PCDH7: variants seen among roughly 807,000 people sequenced by gnomAD.
PCDH7 encodes the protein protocadherin 7, also known as protocadherin-7.
PCDH7 carries 17 observed loss-of-function variants against 58.9 expected under a neutral mutation model. That is an observed-to-expected ratio of 0.29 (90% CI 0.20 to 0.43). The LOEUF (loss-of-function observed/expected upper bound fraction) is 0.43, where lower values mean the gene tolerates loss of function less well. Ranked by LOEUF, PCDH7 falls within the 20% of genes least tolerant of loss-of-function variation. PCDH7 has a pLI of 1.00. For synonymous variants in PCDH7, 664 were observed against 616.4 expected, an observed-to-expected ratio of 1.08 and a Z score of -1.14; for missense variants, 1,274 against 1,441.0, an observed-to-expected ratio of 0.88 and a Z score of 1.88.
intron 1 of PCDH7, among the ~76,000 whole-genome samples, chr4:30,806,698 T>C (rs1454319677): frequency 1.3e-5 from 2 of 151,672 alleles, no homozygotes; most frequent in Non-Finnish European, 2.9e-5. Flanking sequence ...CCTTTTCATT[T>C]AAATTTTATT....
chr4:31,133,063 G>A (rs1018180468), intron 3 of PCDH7, among the ~76,000 whole-genome samples: 3 of 152,068 alleles, frequency 2.0e-5, no homozygotes, highest in African/African-American at 4.8e-5. Flanking sequence ...TTAAATCTTT[G>A]TGTCACTGAA....
Position 30,722,064 on chromosome 4 carries a change from G to A in PCDH7, c.642G>A (p.Ala214=). 1.6e-6 allele frequency: 2 copies of A among 1,242,572 alleles called. No homozygotes were observed. The highest frequency in any genetic ancestry group is 4.3e-5 in the Admixed American group (1 of 23,510). 77.0% of individuals were successfully genotyped at this position (1,242,572 alleles called of 1,614,324 possible). A position where few individuals can be genotyped will look rare whatever the true frequency, so the allele number is the denominator to read the frequency against. Residue 214 remains alanine, a synonymous_variant, in exon 1 of 2, where the codon GCG becomes GCA. Coordinates refer to ENST00000361762, the Ensembl canonical transcript of PCDH7. The surrounding 1 kb of genome is among the most constrained non-coding windows in gnomAD (Gnocchi z 7.6). The stretch of plus-strand genomic sequence containing the variant: ...ACCCCGGGGGCGGCGGGAACGGCGC[G>A]AGCGGCGGCGGCTCGGGAGGCTCCA...
At chr4:30,995,157 A>C (rs13130452) in intron 3 of PCDH7, among the ~76,000 whole-genome samples, 26,050 of 152,178 alleles carry the variant, frequency 0.17, 2,800 homozygotes, top group South Asian at 0.27. Context: ...TGGGATTTAC[A>C]TTATATTTCT....
chr4:31,112,017 C>T (rs547200234), intron 3 of PCDH7, among the ~76,000 whole-genome samples: 1 of 152,090 alleles, frequency 6.6e-6, no homozygotes. Context: ...CCATGATTGG[C>T]AAATAATAAG....
Position 31,131,599 on chromosome 4 carries a change from T to G in PCDH7, c.*8-10874T>G, listed in dbSNP as rs28496204. On this transcript the variant is annotated intron_variant, in intron 3 of 3. Transcript: ENST00000509759. ...TAACAGTATTTCAGAACTCAATGTT[T>G]GCTTGAAACCTTCCTCAGAGGTTGA... Among the ~76,000 whole-genome samples the G allele has an allele frequency of 5.5e-3, 774 of 141,248 alleles. 5 individuals carry two copies. Among genetic ancestry groups the G allele is most frequent in the African/African-American group, 0.021 (733 of 34,708 alleles). 92.7% of individuals were successfully genotyped at this position (141,248 alleles called of 152,430 possible). A position where few individuals can be genotyped will look rare whatever the true frequency, so the allele number is the denominator to read the frequency against.
intron 3 of PCDH7, among the ~76,000 whole-genome samples, chr4:31,121,600 T>C (rs1467868751): frequency 6.6e-6 from 1 of 152,162 alleles, no homozygotes. Flanking sequence ...ATATGATTAC[T>C]AGTTGAGAAT....
Position 30,968,366 on chromosome 4 carries a change from T to A in PCDH7, c.*7+18151T>A, listed in dbSNP as rs572226907. ...TATATATATATACACACACTATATA[T>A]ATACACACACTATATATATATATAT... On this transcript the variant is annotated intron_variant, in intron 3 of 3. Coordinates refer to the PCDH7 transcript ENST00000509759. Among the ~76,000 whole-genome samples the A allele has an allele frequency of 4.1e-4, 52 of 126,432 alleles. 2 individuals carry two copies. In the East Asian group the frequency reaches 0.012, roughly 29 times the overall value. 82.9% of individuals were successfully genotyped at this position (126,432 alleles called of 152,430 possible).
chr4:30,998,173 T>C (rs990256354), intron 3 of PCDH7, among the ~76,000 whole-genome samples: 4 of 151,838 alleles, frequency 2.6e-5, no homozygotes, highest in Admixed American at 1.3e-4. Context: ...GACAGAAGAG[T>C]TGGCCAGACT....
At chr4:30,774,763 A>G (rs1348475581) in intron 1 of PCDH7, among the ~76,000 whole-genome samples, 1 of 152,232 alleles carries the variant, frequency 6.6e-6, no homozygotes, top group African/African-American at 2.4e-5. Flanking sequence ...GATATATAGT[A>G]TAGAACTCAG....
At chr4:30,962,354 C>T (rs1748516420) in intron 3 of PCDH7, among the ~76,000 whole-genome samples, 1 of 152,152 alleles carries the variant, frequency 6.6e-6, no homozygotes, top group Admixed American at 6.5e-5. Context: ...TAGACTTGTT[C>T]AAGTTGGACC....
intron 3 of PCDH7, among the ~76,000 whole-genome samples, chr4:30,967,208 A>G (rs1240260182): frequency 1.4e-5 from 2 of 147,574 alleles, no homozygotes; most frequent in Non-Finnish European, 3.0e-5. Flanking sequence ...GACATTGCAA[A>G]AAGAAAAAAA....
chr4:30,787,445 A>T (rs1487353489), intron 1 of PCDH7, among the ~76,000 whole-genome samples: 1 of 152,112 alleles, frequency 6.6e-6, no homozygotes, highest in African/African-American at 2.4e-5. Flanking sequence ...AATTTAGGCA[A>T]TTATTACACT....
intron 3 of PCDH7, among the ~76,000 whole-genome samples, chr4:31,001,205 A>T (rs1752337489): frequency 6.6e-6 from 1 of 152,078 alleles, no homozygotes; most frequent in Non-Finnish European, 1.5e-5. Context: ...TACCCTAATT[A>T]AAAAATATTA....
At chr4:30,741,121 A>G (rs1252763276) in intron 1 of PCDH7, among the ~76,000 whole-genome samples, 2 of 152,192 alleles carry the variant, frequency 1.3e-5, no homozygotes, top group African/African-American at 2.4e-5. Flanking sequence ...TTTTTAATAC[A>G]TATGATCTGA....
At position 30,720,636 on chromosome 4, in the gene PCDH7, T is replaced by G. The variant is rs2109221919; in HGVS notation, c.-787T>G. 6.5e-6 allele frequency: 1 copy of G among 152,926 alleles called. No homozygotes were observed. Among genetic ancestry groups the G allele is most frequent in the South Asian group, 2.1e-4 (1 of 4,830 alleles). The allele number at this position is 152,926 out of a possible 1,614,324, so 9.5% of individuals were successfully genotyped here. A position where few individuals can be genotyped will look rare whatever the true frequency, so the allele number is the denominator to read the frequency against. ...GACTCTGGGCGTCTCTGAAGATGGC[T>G]CGGGCTTCTCTTTGGCGCGCCGGGG... On this transcript the variant is annotated 5_prime_UTR_variant, in exon 1 of 2. Transcript: ENST00000361762. This position sits in a 1 kb window ranked among gnomAD's most constrained non-coding sequence, Gnocchi z 4.7.
chr4:30,888,301 C>G (rs1335885273), intron 1 of PCDH7, among the ~76,000 whole-genome samples: 1 of 152,142 alleles, frequency 6.6e-6, no homozygotes, highest in Non-Finnish European at 1.5e-5. Context: ...TACACACACA[C>G]ACAGAATCTG....
intron 3 of PCDH7, among the ~76,000 whole-genome samples, chr4:31,058,562 A>C (rs1757435887): frequency 6.6e-6 from 1 of 152,008 alleles, no homozygotes; most frequent in Non-Finnish European, 1.5e-5. Flanking sequence ...ATGGTTTTCT[A>C]ATTTTTATTA....
At chr4:30,981,639 A>G (rs1297061687) in intron 3 of PCDH7, among the ~76,000 whole-genome samples, 1 of 152,230 alleles carries the variant, frequency 6.6e-6, no homozygotes, top group Non-Finnish European at 1.5e-5. Context: ...TCCTTTTTAA[A>G]TTAATAGAAT....
Position 30,986,740 on chromosome 4 carries a change from T to C in PCDH7, c.*7+36525T>C, listed in dbSNP as rs538424701. Among the ~76,000 whole-genome samples, 184 of 152,232 alleles carry C rather than the reference T, an allele frequency of 1.2e-3. 2 individuals carry two copies. The highest frequency in any genetic ancestry group is 2.0e-3 in the Non-Finnish European group (139 of 68,018). On this transcript the variant is annotated intron_variant, in intron 3 of 3. Transcript: ENST00000509759. ...GCTCATGCCTGTAATCCCAGCACTT[T>C]GGGAGGCCGAGGTGGGCGGATCACG...
Sources: allele counts gnomAD v4.1 joint callset (sites outside exome capture counted in the v4.1 genomes callset), GRCh38; gene constraint gnomAD v4.1.1; non-coding constraint Gnocchi (gnomAD v3.1); transcripts MANE v1.5; gene names NCBI Gene and HGNC (gene_info 2026-07-23, HGNC 2026-07-21).